EXT1: variants seen among roughly 807,000 people sequenced by gnomAD.
EXT1 encodes the protein exostosin-1.
In EXT1, 20 loss-of-function variants were observed where a neutral mutation model predicts 82.5. The observed-to-expected ratio is 0.24, with a 90% CI of 0.17 to 0.35. The LOEUF (loss-of-function observed/expected upper bound fraction) is 0.35. Among genes scored for constraint, EXT1 ranks in the 10% least tolerant of loss-of-function variants. The pLI, the probability that EXT1 is intolerant of heterozygous loss-of-function variation, is 1.00. For synonymous variants in EXT1, 348 were observed against 350.8 expected, an observed-to-expected ratio of 0.99 and a Z score of 0.09; for missense variants, 757 against 936.5, an observed-to-expected ratio of 0.81 and a Z score of 2.50.
intron 1 of EXT1, among the ~76,000 whole-genome samples, chr8:118,040,715 G>T (rs1409191046): frequency 6.6e-6 from 1 of 152,186 alleles, no homozygotes; most frequent in Non-Finnish European, 1.5e-5. Context: ...CCTCCAGCAG[G>T]CAATAAGCTC....
At chr8:117,968,042 A>G (rs1232765304) in intron 1 of EXT1, among the ~76,000 whole-genome samples, 4 of 152,252 alleles carry the variant, frequency 2.6e-5, no homozygotes, top group African/African-American at 9.6e-5. Context: ...CAACCATTTT[A>G]CTATCTACAT....
chr8:117,853,866 G>A (rs1228770461), intron 1 of EXT1, among the ~76,000 whole-genome samples: 1 of 152,190 alleles, frequency 6.6e-6, no homozygotes. Flanking sequence ...TCCTAACATT[G>A]AGCATCTCTA....
chr8:118,042,290 T>C (rs570106157), intron 1 of EXT1, among the ~76,000 whole-genome samples: 1 of 148,164 alleles, frequency 6.7e-6, no homozygotes, highest in Non-Finnish European at 1.5e-5. Flanking sequence ...TGGTTTAGTT[T>C]TGTTTTTTGT....
chr8:117,848,349 G>A (rs1001589291), intron 1 of EXT1, among the ~76,000 whole-genome samples: 1 of 152,164 alleles, frequency 6.6e-6, no homozygotes, highest in Non-Finnish European at 1.5e-5. Context: ...TTAGGCAGAA[G>A]TACAACAGTA....
At chr8:118,096,862 A>AAGACAGT (rs1283590685) in intron 1 of EXT1, among the ~76,000 whole-genome samples, 7 of 152,236 alleles carry the variant, frequency 4.6e-5, no homozygotes. Flanking sequence ...CTACAAACCA[A>AAGACAGT]AGACAGTAAC....
intron 1 of EXT1, among the ~76,000 whole-genome samples, chr8:118,033,141 G>A (rs533807797): frequency 6.6e-6 from 1 of 152,274 alleles, no homozygotes; most frequent in Non-Finnish European, 1.5e-5. Flanking sequence ...CTACATATTT[G>A]TAAAGCCTGT....
chr8:117,875,450 AAATAAATAAATAAATAAAAT>A (rs1377478371), intron 1 of EXT1, among the ~76,000 whole-genome samples: 3 of 150,326 alleles, frequency 2.0e-5, no homozygotes, highest in African/African-American at 7.3e-5. Context: ...ATAAATAAAT[AAATAAATAAATAAATAAAAT>A]AATAAAGGTA....
intron 1 of EXT1, among the ~76,000 whole-genome samples, chr8:118,108,621 T>C (rs1020561149): frequency 4.6e-5 from 7 of 152,232 alleles, no homozygotes; most frequent in East Asian, 1.9e-4. Flanking sequence ...GCTTTTCTTA[T>C]GCCTGAAAAG....
intron 2 of EXT1, among the ~76,000 whole-genome samples, chr8:117,836,658 A>G (rs1259513842): frequency 1.3e-4 from 20 of 152,060 alleles, no homozygotes. Context: ...TGAACTGCAG[A>G]GCCTTGGAAG....
chr8:117,948,192 A>G (rs1814424239), intron 1 of EXT1, among the ~76,000 whole-genome samples: 1 of 152,156 alleles, frequency 6.6e-6, no homozygotes, highest in South Asian at 2.1e-4. Context: ...TATAGTAAGA[A>G]GAGATAGAGG....
At chr8:117,985,334 T>C (rs1815294801) in intron 1 of EXT1, among the ~76,000 whole-genome samples, 1 of 152,248 alleles carries the variant, frequency 6.6e-6, no homozygotes, top group Admixed American at 6.5e-5. Context: ...TTGTTTTCCC[T>C]GATGATTTCA....
At chr8:117,923,196 G>A (rs538824284) in intron 1 of EXT1, among the ~76,000 whole-genome samples, 67 of 152,144 alleles carry the variant, frequency 4.4e-4, no homozygotes, top group Admixed American at 8.5e-4. Flanking sequence ...GTGGTGGTGG[G>A]TCCCTGTAAT....
intron 1 of EXT1, among the ~76,000 whole-genome samples, chr8:117,876,553 T>C (rs1035178713): frequency 1.3e-5 from 2 of 152,218 alleles, no homozygotes; most frequent in African/African-American, 4.8e-5. Flanking sequence ...TTTGGGTTAT[T>C]TACTATTTTG....
chr8:117,800,325 C>T (rs950414771), intron 10 of EXT1, among the ~76,000 whole-genome samples: 3 of 152,208 alleles, frequency 2.0e-5, no homozygotes, highest in South Asian at 2.1e-4. Flanking sequence ...GAAATACCCA[C>T]CAACTTTTAG....
chr8:118,001,330 G>A lies in EXT1; in HGVS notation c.962+108755C>T, dbSNP rs190054091. Among the ~76,000 whole-genome samples the A allele has an allele frequency of 3.3e-5, 5 of 152,206 alleles. No homozygotes were observed. In the East Asian group the frequency reaches 9.7e-4, roughly 29 times the overall value. ...GCCTCTCATGCAGCTGGTTACAGGC[G>A]TGTGCCACCAGGCCTGGCTAATTTT... On this transcript the variant is annotated intron_variant, in intron 1 of 10. Transcript: ENST00000378204.
chr8:118,037,089 G>A (rs1437012323), intron 1 of EXT1, among the ~76,000 whole-genome samples: 1 of 152,132 alleles, frequency 6.6e-6, no homozygotes, highest in Non-Finnish European at 1.5e-5. Flanking sequence ...CAATGGGAAA[G>A]AAAATTTCAA....
chr8:117,813,206 T>C (rs546914638), intron 7 of EXT1, among the ~76,000 whole-genome samples: 59 of 152,286 alleles, frequency 3.9e-4, no homozygotes, highest in African/African-American at 1.3e-3. Flanking sequence ...AAATCAGACA[T>C]GTTCCCTGTC....
At position 117,931,534 on chromosome 8, in the gene EXT1, G is replaced by A. The variant is rs1267928319; in HGVS notation, c.963-94333C>T. On this transcript the variant is annotated intron_variant, in intron 1 of 10. Transcript: ENST00000378204. ...ATGGAAAAGGGGGAGGTGGGAATAA[G>A]AGAGGGGGAAGCCAGACACCTAGGC... 5.9e-5 allele frequency among the ~76,000 whole-genome samples: 9 copies of A among 151,946 alleles called. No homozygotes were observed. In the East Asian group the frequency reaches 1.7e-3, roughly 29 times the overall value.
At chr8:117,946,088 G>A (rs1341987775) in intron 1 of EXT1, among the ~76,000 whole-genome samples, 9 of 152,048 alleles carry the variant, frequency 5.9e-5, no homozygotes, top group Admixed American at 2.0e-4. Context: ...TAGTAGAGAC[G>A]GGATTTTGCC....
Sources: allele counts gnomAD v4.1 joint callset (sites outside exome capture counted in the v4.1 genomes callset), GRCh38; gene constraint gnomAD v4.1.1; transcripts MANE v1.5; gene names NCBI Gene and HGNC (gene_info 2026-07-23, HGNC 2026-07-21).